Variants in CNTNAP2 observed in about 807,000 individuals in gnomAD.
CNTNAP2 encodes contactin-associated protein-like 2.
In CNTNAP2, 98 loss-of-function variants were observed where a neutral mutation model predicts 155.2. That is an observed-to-expected ratio of 0.63 (90% CI 0.54 to 0.75). The LOEUF (loss-of-function observed/expected upper bound fraction) is 0.75. CNTNAP2 is among the 30% of genes least tolerant of loss of function. The pLI is 0.00. For synonymous variants in CNTNAP2, 651 were observed against 631.2 expected, an observed-to-expected ratio of 1.03 and a Z score of -0.47; for missense variants, 1,727 against 1,688.1, an observed-to-expected ratio of 1.02 and a Z score of -0.40.
At chr7:147,630,316 TAAAAAAAAAAAA>T (rs71183024) in intron 12 of CNTNAP2, among the ~76,000 whole-genome samples, 1 of 73,078 alleles carries the variant, frequency 1.4e-5, no homozygotes, top group South Asian at 7.8e-4. Context: ...GAAACAGTAG[TAAAAAAAAAAAA>T]AAAAAAAAAA....
intron 1 of CNTNAP2, among the ~76,000 whole-genome samples, chr7:146,283,039 A>T (rs780842365): frequency 5.0e-4 from 76 of 152,342 alleles, no homozygotes; most frequent in Non-Finnish European, 9.6e-4. Flanking sequence ...GACACATAAC[A>T]TTGCCTGAAA....
intron 12 of CNTNAP2, among the ~76,000 whole-genome samples, chr7:147,628,450 C>G (rs1009603955): frequency 6.6e-6 from 1 of 152,118 alleles, no homozygotes; most frequent in Non-Finnish European, 1.5e-5. Context: ...TTTGCCACAA[C>G]TAAGCCAGCG....
chr7:147,225,047 G>C (rs1054020754), intron 8 of CNTNAP2, among the ~76,000 whole-genome samples: 6 of 152,260 alleles, frequency 3.9e-5, no homozygotes, highest in African/African-American at 1.2e-4. Context: ...TAAAGACTTA[G>C]TGACTTGAAT....
rs1029145660 is a variant in CNTNAP2 at position 146,684,968 on chromosome 7, A to C, written c.98-89303A>C. 4.1e-4 allele frequency among the ~76,000 whole-genome samples: 62 copies of C among 152,178 alleles called. 1 individual carries two copies. The highest frequency in any genetic ancestry group is 1.5e-3 in the African/African-American group (61 of 41,446). On this transcript the variant is annotated intron_variant, in intron 1 of 23. Coordinates refer to ENST00000361727, the MANE Select transcript of CNTNAP2 (RefSeq NM_014141.6). ...CCACAGATTTTAAAATGTTACATAA[A>C]TCTTACTGAGAAAGTGATTAAAAAT...
chr7:147,211,500 A>G (rs1803145075), intron 8 of CNTNAP2, among the ~76,000 whole-genome samples: 1 of 152,098 alleles, frequency 6.6e-6, no homozygotes, highest in Admixed American at 6.6e-5. Context: ...GATAACCCAG[A>G]AATAAAGCCA....
intron 12 of CNTNAP2, among the ~76,000 whole-genome samples, chr7:147,595,172 C>T (rs971101282): frequency 5.3e-5 from 8 of 152,056 alleles, no homozygotes; most frequent in Non-Finnish European, 1.0e-4. Flanking sequence ...ATAAAAAGAG[C>T]GTTGATGTCC....
At chr7:148,000,928 T>C (rs554374882) in intron 15 of CNTNAP2, among the ~76,000 whole-genome samples, 15 of 152,282 alleles carry the variant, frequency 9.9e-5, no homozygotes, top group African/African-American at 3.6e-4. Flanking sequence ...TCTTGACTTT[T>C]CCAGATTCTG....
chr7:146,939,001 A>G (rs189269351), intron 3 of CNTNAP2, among the ~76,000 whole-genome samples: 20 of 152,226 alleles, frequency 1.3e-4, no homozygotes, highest in Non-Finnish European at 2.8e-4. Context: ...CCTTTACTGT[A>G]GGACAAATGG....
chr7:147,319,596 T>G (rs1795307113), intron 9 of CNTNAP2, among the ~76,000 whole-genome samples: 1 of 152,196 alleles, frequency 6.6e-6, no homozygotes, highest in Non-Finnish European at 1.5e-5. Flanking sequence ...CAGGCTTGTT[T>G]AGAACTCCTG....
chr7:147,227,413 GT>G (rs1159034530), intron 8 of CNTNAP2, among the ~76,000 whole-genome samples: 2 of 152,070 alleles, frequency 1.3e-5, no homozygotes, highest in Non-Finnish European at 2.9e-5. Flanking sequence ...TCTGACTTGT[GT>G]TTTTTTAAAA....
intron 1 of CNTNAP2, among the ~76,000 whole-genome samples, chr7:146,390,492 A>C (rs1039788701): frequency 1.3e-5 from 2 of 151,806 alleles, no homozygotes; most frequent in Admixed American, 6.6e-5. Context: ...CTACAAAGCA[A>C]CCTGCTTAAA....
intron 13 of CNTNAP2, among the ~76,000 whole-genome samples, chr7:147,719,463 G>A (rs1430673801): frequency 6.6e-6 from 1 of 151,968 alleles, no homozygotes; most frequent in African/African-American, 2.4e-5. Context: ...GAATTTGAGT[G>A]AATCTGCCAG....
At chr7:147,512,203 A>G (rs942672906) in intron 11 of CNTNAP2, among the ~76,000 whole-genome samples, 3 of 152,194 alleles carry the variant, frequency 2.0e-5, no homozygotes, top group Non-Finnish European at 2.9e-5. Flanking sequence ...TCATACGTGC[A>G]TGCACTCATG....
At chr7:147,239,695 T>G (rs1450521786) in intron 8 of CNTNAP2, among the ~76,000 whole-genome samples, 1 of 152,168 alleles carries the variant, frequency 6.6e-6, no homozygotes, top group Non-Finnish European at 1.5e-5. Flanking sequence ...CATTGCCATT[T>G]CTAGAAGTTA....
chr7:146,551,190 T>A (rs1360224084), intron 1 of CNTNAP2, among the ~76,000 whole-genome samples: 1 of 151,832 alleles, frequency 6.6e-6, no homozygotes, highest in Non-Finnish European at 1.5e-5. Flanking sequence ...CTGCTCAGAG[T>A]CAAATGATTT....
chr7:147,264,546 G>A (rs1416980480), intron 8 of CNTNAP2, among the ~76,000 whole-genome samples: 1 of 150,494 alleles, frequency 6.6e-6, no homozygotes, highest in Non-Finnish European at 1.5e-5. Flanking sequence ...GCGGGCCTGT[G>A]CCCACTAGGG....
intron 13 of CNTNAP2, among the ~76,000 whole-genome samples, chr7:147,723,865 T>C (rs77745155): frequency 0.18 from 27,222 of 151,888 alleles, 2,861 homozygotes; most frequent in Middle Eastern, 0.39. Flanking sequence ...CCTCAAATAT[T>C]TATTATTTCT....
intron 1 of CNTNAP2, among the ~76,000 whole-genome samples, chr7:146,150,125 A>G (rs1189774596): frequency 6.6e-6 from 1 of 152,158 alleles, no homozygotes; most frequent in African/African-American, 2.4e-5. Flanking sequence ...CACTGTTTAC[A>G]AAGATAAATG....
chr7:147,923,626 G>A lies in CNTNAP2; in HGVS notation c.2255+19905G>A, dbSNP rs62474783. On this transcript the variant is annotated intron_variant, in intron 14 of 23. Coordinates refer to ENST00000361727, the MANE Select transcript of CNTNAP2 (RefSeq NM_014141.6). ...TTGCCAGGGCTCCAGCAATCTTCTTGCCTCAGCCTCCGAAGTAGCTAGGAT... is the reference window on the plus strand; with the variant it reads ...TTGCCAGGGCTCCAGCAATCTTCTTACCTCAGCCTCCGAAGTAGCTAGGAT... 6.6e-5 allele frequency among the ~76,000 whole-genome samples: 10 copies of A among 151,284 alleles called. No homozygotes were observed. In the East Asian group the frequency reaches 1.6e-3, roughly 24 times the overall value.
Sources: gnomAD v4.1 joint callset for allele counts (sites outside exome capture counted in the v4.1 genomes callset) on GRCh38, gnomAD v4.1.1 for gene constraint, MANE v1.5 for transcripts, NCBI Gene and HGNC (gene_info 2026-07-23, HGNC 2026-07-21) for gene names.